ANLN: variants seen among roughly 807,000 people sequenced by gnomAD.
The protein encoded by ANLN is anillin.
In ANLN, 59 loss-of-function variants were observed where a neutral mutation model predicts 135.1. The observed-to-expected ratio is 0.44, with a 90% CI of 0.35 to 0.54. ANLN has a LOEUF of 0.54. Among genes scored for constraint, ANLN ranks in the 20% least tolerant of loss-of-function variants. The pLI is 0.00. For synonymous variants in ANLN, 406 were observed against 456.4 expected, an observed-to-expected ratio of 0.89 and a Z score of 1.41; for missense variants, 1,182 against 1,340.0, an observed-to-expected ratio of 0.88 and a Z score of 1.84.
At chr7:36,398,559 GT>G (rs1786802748) in intron 2 of ANLN, among the ~76,000 whole-genome samples, 1 of 152,002 alleles carries the variant, frequency 6.6e-6, no homozygotes, top group African/African-American at 2.4e-5. Flanking sequence ...ATTTACTATT[GT>G]CTTAACACTA....
At chr7:36,424,862 C>A in intron 17 of ANLN, 120 bp downstream of exon 17, 1 of 963,286 alleles carries the variant, frequency 1.0e-6, no homozygotes, top group Non-Finnish European at 1.5e-6. Flanking sequence ...GTTTCATGTT[C>A]CAATTTGTAG....
intron 1 of ANLN, among the ~76,000 whole-genome samples, chr7:36,394,401 G>A (rs1786608142): frequency 6.6e-6 from 1 of 152,098 alleles, no homozygotes; most frequent in Admixed American, 6.5e-5. Context: ...TTGGTTGGGA[G>A]GATTAGTATT....
intron 20 of ANLN, among the ~76,000 whole-genome samples, chr7:36,435,214 C>T (rs1030587578): frequency 1.3e-5 from 2 of 152,132 alleles, no homozygotes; most frequent in Non-Finnish European, 2.9e-5. Context: ...TAACCAAAAC[C>T]TAGTCAAGAT....
intron 2 of ANLN, among the ~76,000 whole-genome samples, chr7:36,398,027 C>G (rs554099076): frequency 6.6e-6 from 1 of 152,294 alleles, no homozygotes; most frequent in East Asian, 1.9e-4. Context: ...ATCCCTGATA[C>G]TACTTTGGTC....
At chr7:36,445,690 G>T (rs989106479) in intron 22 of ANLN, among the ~76,000 whole-genome samples, 1 of 152,194 alleles carries the variant, frequency 6.6e-6, no homozygotes, top group African/African-American at 2.4e-5. Flanking sequence ...CATGCAGGAA[G>T]ATTTAGTTTC....
At chr7:36,393,220 C>T (rs567614897) in intron 1 of ANLN, among the ~76,000 whole-genome samples, 24 of 152,170 alleles carry the variant, frequency 1.6e-4, no homozygotes, top group Non-Finnish European at 3.2e-4. Flanking sequence ...GATGGGGTTT[C>T]ACCGTGTTTG....
chr7:36,391,905 TG>T (rs1055184874), intron 1 of ANLN, among the ~76,000 whole-genome samples: 1 of 152,094 alleles, frequency 6.6e-6, no homozygotes, highest in Non-Finnish European at 1.5e-5. Context: ...TGTTCTGCAT[TG>T]GTCTTCCTCC....
At position 36,453,735 on chromosome 7, in the gene ANLN, T is replaced by C. The variant is rs1789335351; in HGVS notation, c.*1135T>C. ...AATGTATTTTTTCTTGTGCATATTA[T>C]AAAAATATATTTTATGAGCTCTTAC... On this transcript the variant is annotated 3_prime_UTR_variant, in exon 24 of 24. Coordinates refer to ENST00000265748, the MANE Select transcript of ANLN (RefSeq NM_018685.5). The C allele has an allele frequency of 6.6e-6, 1 of 152,642 alleles. No individual in the cohort carries two copies. Among genetic ancestry groups the C allele is most frequent in the South Asian group, 2.1e-4 (1 of 4,832 alleles). 9.5% of individuals were successfully genotyped at this position (152,642 alleles called of 1,614,324 possible). A position where few individuals can be genotyped will look rare whatever the true frequency, so the allele number is the denominator to read the frequency against.
chr7:36,414,671 C>G (rs1190143923), intron 7 of ANLN, among the ~76,000 whole-genome samples: 4 of 152,114 alleles, frequency 2.6e-5, no homozygotes, highest in Admixed American at 2.0e-4. Flanking sequence ...ATAGTGGAAC[C>G]ATTTGATCGT....
At position 36,395,046 on chromosome 7, in the gene ANLN, T is replaced by G. The variant is rs1786638904; in HGVS notation, c.19-1220T>G. Among the ~76,000 whole-genome samples the G allele has an allele frequency of 2.6e-5, 4 of 152,234 alleles. No individual in the cohort carries two copies. In the South Asian group the frequency reaches 8.3e-4, roughly 32 times the overall value. The stretch of plus-strand genomic sequence containing the variant: ...GTTTTTCTTTCCTCTTAGGAAGTGT[T>G]TTATGTTTTCAAAGGACTAATATGT... On this transcript the variant is annotated intron_variant, in intron 1 of 23. Coordinates refer to ENST00000265748, the MANE Select transcript of ANLN (RefSeq NM_018685.5).
At chr7:36,410,169 G>T (rs1787350076) in intron 5 of ANLN, among the ~76,000 whole-genome samples, 1 of 152,064 alleles carries the variant, frequency 6.6e-6, no homozygotes, top group Non-Finnish European at 1.5e-5. Flanking sequence ...TCGTGATGAA[G>T]GTAGATTTAT....
intron 2 of ANLN, 110 bp from the exon 3 acceptor site, chr7:36,398,969 A>G: frequency 4.8e-6 from 4 of 828,142 alleles, no homozygotes; most frequent in Non-Finnish European, 7.5e-6. Context: ...AAAATCATTT[A>G]AAAGAATAGG....
At chr7:36,412,573 C>T (rs1227997720) in intron 7 of ANLN, among the ~76,000 whole-genome samples, 2 of 152,032 alleles carry the variant, frequency 1.3e-5, no homozygotes, top group African/African-American at 2.4e-5. Flanking sequence ...GGTGATCCGC[C>T]CGCCTCAGCC....
At chr7:36,442,754 C>A (rs1465281737) in intron 21 of ANLN, among the ~76,000 whole-genome samples, 1 of 152,058 alleles carries the variant, frequency 6.6e-6, no homozygotes, top group African/African-American at 2.4e-5. Context: ...GCCTCAGCCT[C>A]CTGAGTAGCT....
intron 21 of ANLN, among the ~76,000 whole-genome samples, chr7:36,441,568 C>T (rs1317314654): frequency 2.0e-5 from 3 of 152,202 alleles, no homozygotes; most frequent in Non-Finnish European, 4.4e-5. Context: ...GCTAGCTCTG[C>T]CTCCACTGAG....
chr7:36,395,864 C>CAGAG (rs369375987), intron 1 of ANLN, among the ~76,000 whole-genome samples: 1 of 150,762 alleles, frequency 6.6e-6, no homozygotes, highest in Non-Finnish European at 1.5e-5. Context: ...CACTTAGTGG[C>CAGAG]AGAGAGAGAG....
chr7:36,410,462 G>T (rs1004552115), intron 5 of ANLN, 52 bp from the exon 6 acceptor site: 42 of 1,457,856 alleles, frequency 2.9e-5, no homozygotes, highest in Non-Finnish European at 3.7e-5. Flanking sequence ...CATAGAAATC[G>T]TAATAATTTT....
In ANLN at chr7:36,424,855, T is replaced by G. The variant is rs546088235; in HGVS notation, c.2709+113T>G. The G allele has an allele frequency of 1.5e-5, 16 of 1,045,600 alleles. No homozygotes were observed. The African/African-American group carries it at 2.1e-4, about 14-fold the overall frequency. The allele number at this position is 1,045,600 out of a possible 1,614,324, so 64.8% of individuals were successfully genotyped here. The stretch of plus-strand genomic sequence containing the variant: ...TGATTAGGAAGTTTTTGGATCAGTT[T>G]CATGTTCCAATTTGTAGTTACTATG... On this transcript the variant is annotated intron_variant, in intron 17 of 23. Coordinates refer to ENST00000265748, the MANE Select transcript of ANLN (RefSeq NM_018685.5).
intron 10 of ANLN, 35 bp downstream of exon 10, chr7:36,419,514 A>G: frequency 6.5e-7 from 1 of 1,531,674 alleles, no homozygotes. Context: ...CCCAGGACAT[A>G]AGTAAACTAA....
Sources: allele counts gnomAD v4.1 joint callset (sites outside exome capture counted in the v4.1 genomes callset), GRCh38; gene constraint gnomAD v4.1.1; transcripts MANE v1.5; gene names NCBI Gene and HGNC (gene_info 2026-07-23, HGNC 2026-07-21).